Variants in CLYBL observed in about 807,000 individuals in gnomAD.
CLYBL encodes citramalyl-CoA lyase.
CLYBL carries 31 observed loss-of-function variants against 38.9 expected under a neutral mutation model. That is an observed-to-expected ratio of 0.80 (90% CI 0.60 to 1.08). The LOEUF (loss-of-function observed/expected upper bound fraction) is 1.08, where lower values mean the gene tolerates loss of function less well. Among genes scored for constraint, CLYBL ranks in the 50% least tolerant of loss-of-function variants. The pLI is 0.00. For synonymous variants in CLYBL, 171 were observed against 158.6 expected (o/e 1.08, Z -0.59); for missense variants, 434 against 411.6 (o/e 1.05, Z -0.47).
chr13:99,744,683 A>G (rs957131240), intron 1 of CLYBL, among the ~76,000 whole-genome samples: 5 of 152,212 alleles, frequency 3.3e-5, no homozygotes, highest in Non-Finnish European at 7.3e-5. Flanking sequence ...AAATGCATTT[A>G]GGAGCTGGGA....
At chr13:99,835,236 CA>C (rs1236582741) in intron 2 of CLYBL, among the ~76,000 whole-genome samples, 1 of 152,228 alleles carries the variant, frequency 6.6e-6, no homozygotes, top group Non-Finnish European at 1.5e-5. Context: ...CACAAAGCAA[CA>C]GCAGCTCAAA....
intron 1 of CLYBL, among the ~76,000 whole-genome samples, chr13:99,708,044 C>T (rs1046825210): frequency 2.0e-5 from 3 of 152,052 alleles, no homozygotes; most frequent in Non-Finnish European, 4.4e-5. Flanking sequence ...ATTGAAGTGG[C>T]GCAATCTCAG....
At chr13:99,630,640 C>T (rs965800474) in intron 1 of CLYBL, among the ~76,000 whole-genome samples, 3 of 152,146 alleles carry the variant, frequency 2.0e-5, no homozygotes, top group Admixed American at 6.5e-5. Flanking sequence ...TGTTCTTTCA[C>T]CTTTCCCCTG....
chr13:99,872,012 A>C (rs74340743), intron 7 of CLYBL, among the ~76,000 whole-genome samples: 8,722 of 151,910 alleles, frequency 0.057, 311 homozygotes, highest in Admixed American at 0.095. Flanking sequence ...AAAAAGAAAA[A>C]GAAAAACTGG....
chr13:99,837,868 G>A (rs1594213072), intron 2 of CLYBL, among the ~76,000 whole-genome samples: 1 of 152,216 alleles, frequency 6.6e-6, no homozygotes, highest in African/African-American at 2.4e-5. Context: ...AAGAAGAGTG[G>A]AGACAGAAAT....
rs1205185986 is a variant in CLYBL, at chr13:99,870,970, G to A, written c.835G>A (p.Val279Met). ...GGTGATTCACCCTAACCAAATTGCCGTGGTCCAGGAGCAGTTTTCTCCTTC... is the reference window on the plus strand; with the variant it reads ...GGTGATTCACCCTAACCAAATTGCCATGGTCCAGGAGCAGTTTTCTCCTTC... The part of the protein sequence containing the change: ...KQVIHPNQIA[V>M]VQEQFSPSPE... Residue 279 changes from valine to methionine, a missense_variant, in exon 7 of 9, where the codon GTG becomes ATG. Val to Met is a conservative substitution (Grantham distance 21). Transcript: ENST00000339105. The A allele has an allele frequency of 1.1e-5, 18 of 1,612,980 alleles. No individual in the cohort carries two copies. The highest frequency in any genetic ancestry group is 2.7e-5 in the African/African-American group (2 of 74,846).
chr13:99,606,974 G>C (rs2046535609), intron 1 of CLYBL, among the ~76,000 whole-genome samples: 1 of 152,178 alleles, frequency 6.6e-6, no homozygotes, highest in African/African-American at 2.4e-5. Context: ...CCGGAAAATG[G>C]GTACACACCT....
At chr13:99,870,594 G>T (rs1047891610) in intron 6 of CLYBL, among the ~76,000 whole-genome samples, 4 of 152,014 alleles carry the variant, frequency 2.6e-5, no homozygotes, top group African/African-American at 9.7e-5. Flanking sequence ...CCTCTAATTT[G>T]CAGACATTAT....
intron 1 of CLYBL, among the ~76,000 whole-genome samples, chr13:99,748,587 C>G (rs947183964): frequency 6.6e-6 from 1 of 151,304 alleles, no homozygotes; most frequent in East Asian, 2.0e-4. Context: ...TTACAGGCAC[C>G]TGCCACTACA....
intron 2 of CLYBL, among the ~76,000 whole-genome samples, chr13:99,787,207 A>G (rs1448217771): frequency 2.6e-5 from 4 of 151,682 alleles, no homozygotes; most frequent in Non-Finnish European, 4.4e-5. Context: ...CTTTAATTAG[A>G]TCCCATTTGT....
Position 99,847,264 on chromosome 13 carries a change from A to G in CLYBL, c.250-11597A>G, listed in dbSNP as rs112841958. On this transcript the variant is annotated intron_variant, in intron 2 of 8. Transcript: ENST00000339105. ...GGACCCTGCCCTGCACAGGTAATTCATGGCACCTTTGGAAAAAGGCACGTT... is the reference window on the plus strand; with the variant it reads ...GGACCCTGCCCTGCACAGGTAATTCGTGGCACCTTTGGAAAAAGGCACGTT... Among the ~76,000 whole-genome samples the G allele has an allele frequency of 3.0e-3, 462 of 152,288 alleles. 2 individuals are homozygous for G. The highest frequency in any genetic ancestry group is 0.011 in the African/African-American group (448 of 41,564).
At chr13:99,702,977 C>T (rs1467358192) in intron 1 of CLYBL, among the ~76,000 whole-genome samples, 1 of 152,212 alleles carries the variant, frequency 6.6e-6, no homozygotes, top group Non-Finnish European at 1.5e-5. Flanking sequence ...CCTTTCGGAA[C>T]CACGTGAATA....
chr13:99,827,863 G>A (rs1019203155), intron 2 of CLYBL, among the ~76,000 whole-genome samples: 3 of 152,200 alleles, frequency 2.0e-5, no homozygotes, highest in Non-Finnish European at 4.4e-5. Context: ...GCTCACTTGC[G>A]CAGAGGAGGA....
chr13:99,812,160 A>G (rs1372452828), intron 2 of CLYBL, among the ~76,000 whole-genome samples: 1 of 152,196 alleles, frequency 6.6e-6, no homozygotes, highest in African/African-American at 2.4e-5. Context: ...GAGGGGAGAT[A>G]TTAAATAGAC....
chr13:99,622,018 C>T lies in CLYBL; in HGVS notation c.62+15261C>T, dbSNP rs117909701. On this transcript the variant is annotated intron_variant, in intron 1 of 8. Transcript: ENST00000339105. Reference sequence around the variant, plus strand: ...TGATCTGTTTGCTTGCCTGTTTCAGCTTCTAGAGGCTGCCCACATTCTTTG... The same window carrying T: ...TGATCTGTTTGCTTGCCTGTTTCAGTTTCTAGAGGCTGCCCACATTCTTTG... 2.6e-4 allele frequency among the ~76,000 whole-genome samples: 39 copies of T among 152,316 alleles called. No homozygotes were observed. In the East Asian group the frequency reaches 7.3e-3, roughly 29 times the overall value.
intron 2 of CLYBL, among the ~76,000 whole-genome samples, chr13:99,840,781 G>A (rs9513674): frequency 0.4 from 26,373 of 66,448 alleles, 4,994 homozygotes; most frequent in African/African-American, 0.56. Flanking sequence ...AAAAAAAAAA[G>A]GGTTACATAT....
At chr13:99,670,644 T>C (rs1034288334) in intron 1 of CLYBL, among the ~76,000 whole-genome samples, 2 of 152,208 alleles carry the variant, frequency 1.3e-5, no homozygotes, top group African/African-American at 4.8e-5. Flanking sequence ...TTTTTCAGTT[T>C]TACAATTTGT....
chr13:99,881,420 T>G (rs1594243410), intron 7 of CLYBL, among the ~76,000 whole-genome samples: 1 of 152,194 alleles, frequency 6.6e-6, no homozygotes, highest in East Asian at 1.9e-4. Flanking sequence ...ACTATCTTCC[T>G]GACAGTTGTT....
intron 1 of CLYBL, among the ~76,000 whole-genome samples, chr13:99,644,889 T>C (rs980809346): frequency 6.6e-6 from 1 of 152,258 alleles, no homozygotes; most frequent in African/African-American, 2.4e-5. Context: ...ATTGTGTATA[T>C]GTACCACAAT....
Sources: gnomAD v4.1 joint callset for allele counts (sites outside exome capture counted in the v4.1 genomes callset) on GRCh38, gnomAD v4.1.1 for gene constraint, MANE v1.5 for transcripts, NCBI Gene and HGNC (gene_info 2026-07-23, HGNC 2026-07-21) for gene names.